The following PTPRK variants were observed in gnomAD, a reference collection of about 807,000 sequenced individuals.
The protein encoded by PTPRK is receptor-type tyrosine-protein phosphatase kappa.
A neutral mutation model predicts 178.0 loss-of-function variants in PTPRK; 75 were observed. The observed-to-expected ratio is 0.42, with a 90% CI of 0.35 to 0.51. The LOEUF (loss-of-function observed/expected upper bound fraction) is 0.51, where lower values mean the gene tolerates loss of function less well. PTPRK is among the 20% of genes least tolerant of loss of function. The probability of loss-of-function intolerance (pLI) is 0.02; values close to 1 mark genes in which losing one functional copy is unlikely to be tolerated. For synonymous variants in PTPRK, 637 were observed against 620.6 expected, an observed-to-expected ratio of 1.03 and a Z score of -0.39; for missense variants, 1,441 against 1,797.8, an observed-to-expected ratio of 0.80 and a Z score of 3.59.
At chr6:128,449,981 G>A (rs1210307041) in intron 1 of PTPRK, among the ~76,000 whole-genome samples, 2 of 150,524 alleles carry the variant, frequency 1.3e-5, no homozygotes, top group African/African-American at 4.9e-5. Context: ...AATGGCACAC[G>A]CCTGTTATTT....
At chr6:128,204,012 CA>C (rs1461054833) in intron 6 of PTPRK, among the ~76,000 whole-genome samples, 2 of 152,000 alleles carry the variant, frequency 1.3e-5, no homozygotes, top group Non-Finnish European at 2.9e-5. Context: ...TCATACTACC[CA>C]ACTTCTAGCT....
At chr6:128,216,275 G>A (rs1809269795) in intron 6 of PTPRK, among the ~76,000 whole-genome samples, 1 of 152,072 alleles carries the variant, frequency 6.6e-6, no homozygotes, top group Admixed American at 6.6e-5. Flanking sequence ...GGTGGCTCAT[G>A]CCTGTAATCC....
intron 1 of PTPRK, among the ~76,000 whole-genome samples, chr6:128,438,908 T>C (rs1375209243): frequency 4.6e-5 from 7 of 152,108 alleles, no homozygotes; most frequent in East Asian, 3.9e-4. Flanking sequence ...TGCTTTCCCA[T>C]TGAAACAGAA....
chr6:128,105,892 C>T (rs1486330624), intron 7 of PTPRK, among the ~76,000 whole-genome samples: 1 of 152,190 alleles, frequency 6.6e-6, no homozygotes, highest in Non-Finnish European at 1.5e-5. Context: ...TTGTACACTG[C>T]TTTTAATTTT....
At chr6:128,371,381 C>G (rs936303622) in intron 2 of PTPRK, among the ~76,000 whole-genome samples, 1 of 152,168 alleles carries the variant, frequency 6.6e-6, no homozygotes, top group Admixed American at 6.6e-5. Flanking sequence ...GATAATTTTA[C>G]GTATTCTCAT....
chr6:128,379,751 A>C (rs1278873229), intron 2 of PTPRK, among the ~76,000 whole-genome samples: 5 of 152,202 alleles, frequency 3.3e-5, no homozygotes, highest in Non-Finnish European at 2.9e-5. Context: ...ACATTTGGTA[A>C]GTCACATGTT....
chr6:128,171,800 G>A (rs1800299967), intron 7 of PTPRK, among the ~76,000 whole-genome samples: 1 of 151,840 alleles, frequency 6.6e-6, no homozygotes, highest in South Asian at 2.1e-4. Flanking sequence ...AATTCTTGAT[G>A]TTAAATTTAA....
chr6:128,207,230 G>C (rs1807138735), intron 6 of PTPRK, among the ~76,000 whole-genome samples: 1 of 152,058 alleles, frequency 6.6e-6, no homozygotes, highest in Non-Finnish European at 1.5e-5. Flanking sequence ...ACTGCTCCTT[G>C]AACTCTATCT....
Position 128,092,950 on chromosome 6 carries a change from G to T in PTPRK, c.1163-2958C>A, listed in dbSNP as rs139678935. Among the ~76,000 whole-genome samples the T allele has an allele frequency of 1.8e-4, 27 of 152,244 alleles. 2 individuals are homozygous for T. The highest frequency in any genetic ancestry group is 6.3e-4 in the African/African-American group (26 of 41,556). On this transcript the variant is annotated intron_variant, in intron 7 of 29. Coordinates refer to ENST00000368226, the MANE Select transcript of PTPRK (RefSeq NM_002844.4). Reference sequence around the variant, plus strand: ...TTGTTTGGAAACCACTGATATTTATGAGCTGGCCATAAGAGCTACTATAAG... The same window carrying T: ...TTGTTTGGAAACCACTGATATTTATTAGCTGGCCATAAGAGCTACTATAAG...
At chr6:128,098,324 T>G (rs1291978295) in intron 7 of PTPRK, among the ~76,000 whole-genome samples, 1 of 152,152 alleles carries the variant, frequency 6.6e-6, no homozygotes, top group Non-Finnish European at 1.5e-5. Flanking sequence ...TGCTTTGATT[T>G]TGGCCTTGCT....
intron 7 of PTPRK, among the ~76,000 whole-genome samples, chr6:128,161,948 T>A (rs987240072): frequency 6.6e-6 from 1 of 151,648 alleles, no homozygotes; most frequent in African/African-American, 2.4e-5. Context: ...GAGGTAGAGA[T>A]CAAGTTACAT....
At chr6:128,292,658 G>C (rs1823584637) in intron 3 of PTPRK, among the ~76,000 whole-genome samples, 1 of 151,876 alleles carries the variant, frequency 6.6e-6, no homozygotes, top group Non-Finnish European at 1.5e-5. Flanking sequence ...CTAAAAATAG[G>C]ATGCAGTTCA....
chr6:127,987,395 G>A (rs1314748957), intron 21 of PTPRK, among the ~76,000 whole-genome samples: 6 of 151,792 alleles, frequency 4.0e-5, no homozygotes, highest in Non-Finnish European at 5.9e-5. Flanking sequence ...CATATTATGC[G>A]TATCCGTAAG....
At chr6:128,099,082 CT>C (rs1470169749) in intron 7 of PTPRK, among the ~76,000 whole-genome samples, 1 of 151,418 alleles carries the variant, frequency 6.6e-6, no homozygotes, top group East Asian at 1.9e-4. Flanking sequence ...TTAAATTTAA[CT>C]TTTTTATGTC....
intron 5 of PTPRK, among the ~76,000 whole-genome samples, chr6:128,234,735 T>G (rs1288968189): frequency 2.0e-5 from 3 of 152,322 alleles, no homozygotes; most frequent in East Asian, 3.9e-4. Flanking sequence ...TTCATGGACA[T>G]GTAGGTTTTT....
chr6:128,289,634 G>C (rs1823051427), intron 3 of PTPRK, among the ~76,000 whole-genome samples: 2 of 151,998 alleles, frequency 1.3e-5, no homozygotes, highest in Non-Finnish European at 2.9e-5. Context: ...GACATCTCTA[G>C]GCTCTTTTTC....
At chr6:128,316,761 A>G (rs1324716835) in intron 3 of PTPRK, among the ~76,000 whole-genome samples, 2 of 143,472 alleles carry the variant, frequency 1.4e-5, no homozygotes, top group African/African-American at 2.6e-5. Flanking sequence ...GCTGTCGCCC[A>G]GGCTGGAGTG....
intron 1 of PTPRK, among the ~76,000 whole-genome samples, chr6:128,440,679 C>T (rs1211140724): frequency 6.6e-6 from 1 of 152,114 alleles, no homozygotes; most frequent in African/African-American, 2.4e-5. Context: ...ACTATATGTG[C>T]TGTCAGACAC....
intron 1 of PTPRK, among the ~76,000 whole-genome samples, chr6:128,410,492 T>C (rs555929954): frequency 2.0e-5 from 3 of 152,322 alleles, no homozygotes; most frequent in African/African-American, 7.2e-5. Context: ...TGGGCAGATA[T>C]TGGCAATAAC....
Sources: gnomAD v4.1 joint callset for allele counts (sites outside exome capture counted in the v4.1 genomes callset) on GRCh38, gnomAD v4.1.1 for gene constraint, MANE v1.5 for transcripts, NCBI Gene and HGNC (gene_info 2026-07-23, HGNC 2026-07-21) for gene names.